Variants in PCA3 observed in about 807,000 individuals in gnomAD.
PCA3 encodes the protein prostate cancer associated 3.
At chr9:76,766,745 A>T (rs868538333) in intron 2 of PCA3, among the ~76,000 whole-genome samples, 4 of 143,368 alleles carry the variant, frequency 2.8e-5, no homozygotes, top group Middle Eastern at 7.2e-3. Flanking sequence ...CTTCAGCCTG[A>T]AATGTACAAT....
intron 2 of PCA3, among the ~76,000 whole-genome samples, chr9:76,782,111 G>C (rs1274597452): frequency 6.6e-6 from 1 of 152,154 alleles, no homozygotes; most frequent in Non-Finnish European, 1.5e-5. Flanking sequence ...CTACTGGGGA[G>C]GCTGAGGCAG....
intron 2 of PCA3, among the ~76,000 whole-genome samples, chr9:76,771,441 G>A (rs781324323): frequency 3.3e-5 from 5 of 152,156 alleles, no homozygotes; most frequent in Non-Finnish European, 7.3e-5. Context: ...AGAAGAAAGA[G>A]CTATGAAGCA....
intron 2 of PCA3, among the ~76,000 whole-genome samples, chr9:76,774,354 T>C (rs2053453884): frequency 6.6e-6 from 1 of 151,970 alleles, no homozygotes; most frequent in African/African-American, 2.4e-5. Flanking sequence ...CCCAGGCTGG[T>C]CTTGAACTCC....
At chr9:76,774,453 T>TTTTTATTTATTTATTTA (rs1554761597) in intron 2 of PCA3, among the ~76,000 whole-genome samples, 42 of 122,196 alleles carry the variant, frequency 3.4e-4, no homozygotes, top group Non-Finnish European at 6.3e-4. Flanking sequence ...TTCAACCCTT[T>TTTTTATTTATTTATTTA]TTTTTTTTTT....
chr9:76,774,111 T>G (rs2053423202), intron 2 of PCA3, among the ~76,000 whole-genome samples: 9 of 151,970 alleles, frequency 5.9e-5, no homozygotes, highest in Admixed American at 5.9e-4. Context: ...AAAGAATAGG[T>G]TTGATTCTTT....
At chr9:76,774,876 T>C (rs371467085) in intron 2 of PCA3, among the ~76,000 whole-genome samples, 50 of 152,314 alleles carry the variant, frequency 3.3e-4, no homozygotes, top group Admixed American at 1.1e-3. Context: ...CAGAAAAACA[T>C]GAGTTCAAAT....
At chr9:76,773,766 G>A (rs1429257213) in intron 2 of PCA3, among the ~76,000 whole-genome samples, 1 of 152,182 alleles carries the variant, frequency 6.6e-6, no homozygotes, top group Non-Finnish European at 1.5e-5. Context: ...TGTAGGTGCA[G>A]TAATGTAAGA....
intron 2 of PCA3, among the ~76,000 whole-genome samples, chr9:76,768,034 A>G (rs765857888): frequency 6.6e-6 from 1 of 152,166 alleles, no homozygotes; most frequent in South Asian, 2.1e-4. Flanking sequence ...CGTGCATCAC[A>G]GCGGCAGGTC....
intron 2 of PCA3, among the ~76,000 whole-genome samples, chr9:76,775,547 T>C (rs2053643519): frequency 6.6e-6 from 1 of 152,140 alleles, no homozygotes. Flanking sequence ...GCAATCTGCC[T>C]GCCTCAGCCT....
chr9:76,779,232 CTTTTT>C (rs5898506), intron 2 of PCA3, among the ~76,000 whole-genome samples: 1 of 144,854 alleles, frequency 6.9e-6, no homozygotes, highest in African/African-American at 2.5e-5. Flanking sequence ...AAAACTTAGA[CTTTTT>C]TTTTTTTTTG....
chr9:76,787,292 T>A (rs1322945678), intron 2 of PCA3: 1 of 147,804 alleles, frequency 6.8e-6, no homozygotes, highest in Non-Finnish European at 1.5e-5. Context: ...CTTTTACTAC[T>A]ATATTACGTT....
chr9:76,767,819 C>A (rs978892645), intron 2 of PCA3, among the ~76,000 whole-genome samples: 18 of 152,188 alleles, frequency 1.2e-4, no homozygotes, highest in African/African-American at 4.3e-4. Context: ...ATCTTCTATC[C>A]GAACACTGTC....
chr9:76,766,697 A>G lies in PCA3; in HGVS notation n.852+30082A>G, dbSNP rs2052431796. 4.0e-5 allele frequency among the ~76,000 whole-genome samples: 6 copies of G among 151,870 alleles called. No individual in the cohort carries two copies. The South Asian group carries it at 1.2e-3, about 32-fold the overall frequency. Reference sequence around the variant, plus strand: ...ACACTCGTCTTCTTCAAACATGTCAATTTTGCTCCTGCTTTAGGGCCTTAG... The same window carrying G: ...ACACTCGTCTTCTTCAAACATGTCAGTTTTGCTCCTGCTTTAGGGCCTTAG... On this transcript the variant is annotated intron_variant and non_coding_transcript_variant, in intron 2 of 5. Transcript: ENST00000644657.
At chr9:76,780,314 A>G (rs1350751217) in intron 2 of PCA3, among the ~76,000 whole-genome samples, 1 of 152,120 alleles carries the variant, frequency 6.6e-6, no homozygotes, top group South Asian at 2.1e-4. Context: ...GAAGTGAAAA[A>G]TATCAAAAAT....
At chr9:76,765,595 A>T (rs1290363968) in intron 2 of PCA3, among the ~76,000 whole-genome samples, 1 of 152,148 alleles carries the variant, frequency 6.6e-6, no homozygotes, top group Non-Finnish European at 1.5e-5. Context: ...GAATGAGTAA[A>T]CTATCTATCC....
chr9:76,776,306 G>A (rs1206253226), intron 2 of PCA3, among the ~76,000 whole-genome samples: 1 of 151,794 alleles, frequency 6.6e-6, no homozygotes, highest in African/African-American at 2.4e-5. Flanking sequence ...CCACCTTTTG[G>A]ACTCTCCGAT....
chr9:76,782,731 C>T (rs547217358), intron 2 of PCA3: 33 of 152,298 alleles, frequency 2.2e-4, no homozygotes, highest in Non-Finnish European at 2.8e-4. Context: ...AGAGCTAGTC[C>T]GCTGTGAGTC....
chr9:76,779,243 T>C (rs2054118143), intron 2 of PCA3, among the ~76,000 whole-genome samples: 2 of 152,080 alleles, frequency 1.3e-5, no homozygotes, highest in African/African-American at 4.8e-5. Flanking sequence ...TTTTTTTTTT[T>C]TTTGGAAGTA....
chr9:76,785,969 A>G (rs1304503438), intron 2 of PCA3: 1 of 152,200 alleles, frequency 6.6e-6, no homozygotes, highest in Non-Finnish European at 1.5e-5. Context: ...ATATGCATAA[A>G]TCTAACTCCT....
Sources: allele counts gnomAD v4.1 joint callset (sites outside exome capture counted in the v4.1 genomes callset), GRCh38; gene constraint gnomAD v4.1.1; transcripts MANE v1.5; gene names NCBI Gene and HGNC (gene_info 2026-07-23, HGNC 2026-07-21).